UNC13B: variants seen among roughly 807,000 people sequenced by gnomAD.
UNC13B encodes the protein protein unc-13 homolog B.
UNC13B carries 144 observed loss-of-function variants against 211.0 expected under a neutral mutation model. That is an observed-to-expected ratio of 0.68 (90% CI 0.60 to 0.78). UNC13B has a LOEUF of 0.78. Among genes scored for constraint, UNC13B ranks in the 30% least tolerant of loss-of-function variants. UNC13B has a pLI of 0.00. For missense variants in UNC13B, 1,777 were observed against 2,002.0 expected, an observed-to-expected ratio of 0.89 and a Z score of 2.14; for synonymous variants, 709 against 725.8, an observed-to-expected ratio of 0.98 and a Z score of 0.37.
At chr9:35,294,532 C>T (rs1308552855) in intron 7 of UNC13B, among the ~76,000 whole-genome samples, 1 of 152,232 alleles carries the variant, frequency 6.6e-6, no homozygotes, top group Admixed American at 6.5e-5. Flanking sequence ...TCTTGAACTC[C>T]TGACCTCAGG....
intron 6 of UNC13B, among the ~76,000 whole-genome samples, chr9:35,255,878 G>A (rs1479095130): frequency 1.3e-5 from 2 of 152,206 alleles, no homozygotes; most frequent in South Asian, 4.1e-4. Context: ...GGCAAGAAGG[G>A]GGTCTTTTTG....
Position 35,403,183 on chromosome 9 carries a change from T to G in UNC13B, c.12501T>G (p.Asp4167Glu). 1 of 1,614,138 alleles carries G rather than the reference T, an allele frequency of 6.2e-7. No individual in the cohort carries two copies. The highest frequency in any genetic ancestry group is 8.5e-7 in the Non-Finnish European group (1 of 1,179,980). Reference sequence around the variant, plus strand: ...GTCCCTCAGGGTCTGGTGTGGACGATCCTGTGGGAGAAGTCTCTATTCAGG... The same window carrying G: ...GTCCCTCAGGGTCTGGTGTGGACGAGCCTGTGGGAGAAGTCTCTATTCAGG... ...SQTTQGSGVD[D>E]PVGEVSIQVD... is the part of the protein sequence containing the mutation. The change falls in exon 38 of 40, where the codon GAT (aspartate) becomes GAG (glutamate). Residue 4167 changes from aspartate to glutamate, a missense_variant. Asp to Glu is a conservative substitution (Grantham distance 45). Transcript: ENST00000635942.
At chr9:35,379,443 G>T (rs142794455) in intron 17 of UNC13B, among the ~76,000 whole-genome samples, 1 of 150,888 alleles carries the variant, frequency 6.6e-6, no homozygotes, top group Admixed American at 6.6e-5. Flanking sequence ...GTGAGACTCC[G>T]TCTAAAAAAA....
At chr9:35,215,875 C>T (rs1824221190) in intron 1 of UNC13B, among the ~76,000 whole-genome samples, 1 of 152,094 alleles carries the variant, frequency 6.6e-6, no homozygotes, top group Non-Finnish European at 1.5e-5. Flanking sequence ...AGGGAACTTT[C>T]CCTAACTTAC....
At chr9:35,355,018 TTAAA>T (rs1351788885) in intron 11 of UNC13B, among the ~76,000 whole-genome samples, 12 of 152,180 alleles carry the variant, frequency 7.9e-5, no homozygotes, top group African/African-American at 2.9e-4. Context: ...GAATTACTGG[TTAAA>T]TAAATTATTG....
chr9:35,227,989 A>C, intron 1 of UNC13B, 26 bp from the exon 2 acceptor site: 3 of 1,608,724 alleles, frequency 1.9e-6, no homozygotes, highest in Non-Finnish European at 2.5e-6. Flanking sequence ...AACATTCTTC[A>C]TGGTATCCTC....
rs1342929047 is a variant in UNC13B at position 35,236,565 on chromosome 9, G to A, written c.249G>A (p.Lys83=). 3.1e-6 allele frequency: 5 copies of A among 1,614,122 alleles called. No homozygotes were observed. The highest frequency in any genetic ancestry group is 1.7e-5 in the Admixed American group (1 of 60,022). The part of the protein sequence containing the change: ...TMVGTVWIAL[K]TIRQSDEEGP... ...TGGGGACTGTGTGGATTGCGCTGAA[G>A]ACTATTCGTCAGTCGGATGAGGTCA... Residue 83 remains lysine (K), a synonymous_variant, in exon 4 of 40, where the codon AAG becomes AAA. Transcript: ENST00000635942.
intron 4 of UNC13B, among the ~76,000 whole-genome samples, chr9:35,237,191 T>C (rs750876813): frequency 6.6e-6 from 1 of 152,180 alleles, no homozygotes; most frequent in Non-Finnish European, 1.5e-5. Flanking sequence ...ATCTGTTATA[T>C]TCCTGTTTGG....
intron 6 of UNC13B, among the ~76,000 whole-genome samples, chr9:35,249,087 T>C (rs1393562207): frequency 1.3e-5 from 2 of 152,250 alleles, no homozygotes; most frequent in Non-Finnish European, 2.9e-5. Flanking sequence ...TCTTGTTGAA[T>C]TGATCCCTTT....
At position 35,390,026 on chromosome 9, in the gene UNC13B, T is replaced by C. The variant is rs1835434010; in HGVS notation, c.11222+53T>C. ...TGTTGGTGGTTGGTCTGTCCATCTG[T>C]CTAACAACCTCTTTCTTTCCTGTCT... On this transcript the variant is annotated intron_variant, in intron 25 of 39. Transcript: ENST00000635942. 3 of 1,601,080 alleles carry C rather than the reference T, an allele frequency of 1.9e-6. No homozygotes were observed. The East Asian group carries it at 6.7e-5, about 36-fold the overall frequency.
intron 8 of UNC13B, among the ~76,000 whole-genome samples, chr9:35,299,351 G>A (rs572780731): frequency 1.3e-3 from 205 of 152,206 alleles, no homozygotes; most frequent in African/African-American, 4.7e-3. Context: ...AAAGAAATAT[G>A]TTTGACTATA....
chr9:35,224,404 A>C (rs562245929), intron 1 of UNC13B, among the ~76,000 whole-genome samples: 31 of 152,310 alleles, frequency 2.0e-4, no homozygotes, highest in African/African-American at 7.2e-4. Context: ...TTTTTGTAGT[A>C]ATTGTAAATG....
chr9:35,185,800 C>T (rs1328261379), intron 1 of UNC13B, among the ~76,000 whole-genome samples: 9 of 151,850 alleles, frequency 5.9e-5, no homozygotes, highest in Admixed American at 5.3e-4. Flanking sequence ...TGTCTGTATT[C>T]CCAGATACTT....
chr9:35,392,310 G>A (rs530769739), intron 26 of UNC13B, among the ~76,000 whole-genome samples: 2 of 152,336 alleles, frequency 1.3e-5, no homozygotes, highest in East Asian at 1.9e-4. Flanking sequence ...GGAGATGAGG[G>A]CAGCTAGAAT....
At position 35,162,101 on chromosome 9, in the gene UNC13B, G is replaced by A. The variant is rs1279859366; in HGVS notation, c.-183G>A. The A allele has an allele frequency of 3.4e-6, 3 of 889,280 alleles. No individual in the cohort carries two copies. The highest frequency in any genetic ancestry group is 2.9e-5 in the East Asian group (1 of 34,988). 55.1% of individuals were successfully genotyped at this position (889,280 alleles called of 1,614,324 possible). A position where few individuals can be genotyped will look rare whatever the true frequency, so the allele number is the denominator to read the frequency against. On this transcript the variant is annotated 5_prime_UTR_variant, in exon 1 of 40. Coordinates refer to ENST00000635942, the MANE Select transcript of UNC13B (RefSeq NM_001371189.2). ...CGGTACTCACCGCTACCCGGAGTTC[G>A]CTCAGACGGTGAGATTTGGGGCGGG...
intron 13 of UNC13B, among the ~76,000 whole-genome samples, chr9:35,371,174 A>G (rs1481417197): frequency 6.6e-6 from 1 of 151,502 alleles, no homozygotes; most frequent in Non-Finnish European, 1.5e-5. Flanking sequence ...TATTCTATCT[A>G]TTGTTTTTCC....
At position 35,301,925 on chromosome 9, in the gene UNC13B, G is replaced by C. The variant is rs139442731; in HGVS notation, c.2521G>C (p.Glu841Gln). 7.5e-6 allele frequency: 3 copies of C among 398,838 alleles called. No individual in the cohort carries two copies. The highest frequency in any genetic ancestry group is 4.4e-5 in the Admixed American group (1 of 22,718). 24.7% of individuals were successfully genotyped at this position (398,838 alleles called of 1,614,324 possible). A position where few individuals can be genotyped will look rare whatever the true frequency, so the allele number is the denominator to read the frequency against. The change falls in exon 9 of 40, where the codon GAA becomes CAA. Residue 841 changes from glutamate to glutamine, a missense_variant. Coordinates refer to ENST00000635942, the MANE Select transcript of UNC13B (RefSeq NM_001371189.2). ...SEPVKIRQVE[E>Q]DGLERGSKKD... ...ACCTGTGAAAATTCGCCAGGTGGAG[G>C]AAGATGGTTTAGAAAGGGGCTCTAA...
At chr9:35,186,727 G>A (rs1213007309) in intron 1 of UNC13B, among the ~76,000 whole-genome samples, 1 of 152,054 alleles carries the variant, frequency 6.6e-6, no homozygotes, top group Non-Finnish European at 1.5e-5. Flanking sequence ...CAAGTATGAT[G>A]TTTACATAGC....
At chr9:35,280,591 G>C (rs1481601245) in intron 7 of UNC13B, among the ~76,000 whole-genome samples, 1 of 152,090 alleles carries the variant, frequency 6.6e-6, no homozygotes, top group Non-Finnish European at 1.5e-5. Flanking sequence ...CAGTAAGGGT[G>C]GGTGATGAGT....
Sources: allele counts gnomAD v4.1 joint callset (sites outside exome capture counted in the v4.1 genomes callset), GRCh38; gene constraint gnomAD v4.1.1; transcripts MANE v1.5; gene names NCBI Gene and HGNC (gene_info 2026-07-23, HGNC 2026-07-21).